KCNQ5: variants seen among roughly 807,000 people sequenced by gnomAD.
KCNQ5 encodes the protein potassium voltage-gated channel subfamily Q member 5.
Under a neutral mutation model 98.2 loss-of-function variants are expected in KCNQ5, and 30 were observed. The observed-to-expected ratio is 0.31, with a 90% CI of 0.23 to 0.41. The LOEUF (loss-of-function observed/expected upper bound fraction) is 0.41. Among genes scored for constraint, KCNQ5 ranks in the 10% least tolerant of loss-of-function variants. The pLI is 1.00. For synonymous variants in KCNQ5, 458 were observed against 449.4 expected (o/e 1.02, Z -0.24); for missense variants, 835 against 1,182.5 (o/e 0.71, Z 4.31).
At chr6:72,898,740 G>A (rs1779356127) in intron 1 of KCNQ5, among the ~76,000 whole-genome samples, 1 of 152,152 alleles carries the variant, frequency 6.6e-6, no homozygotes, top group Non-Finnish European at 1.5e-5. Flanking sequence ...GATCCTTGAG[G>A]AATTGCCACA....
intron 1 of KCNQ5, among the ~76,000 whole-genome samples, chr6:72,788,974 A>G (rs1773893160): frequency 6.6e-6 from 1 of 152,184 alleles, no homozygotes; most frequent in Non-Finnish European, 1.5e-5. Flanking sequence ...CACATTAGAA[A>G]TCCCAGAGGA....
chr6:72,794,210 T>C (rs1342439027), intron 1 of KCNQ5, among the ~76,000 whole-genome samples: 1 of 152,198 alleles, frequency 6.6e-6, no homozygotes, highest in East Asian at 1.9e-4. Context: ...AAATGAACAT[T>C]GAAATGCTAC....
chr6:72,688,757 T>C (rs1019350368), intron 1 of KCNQ5, among the ~76,000 whole-genome samples: 1 of 152,180 alleles, frequency 6.6e-6, no homozygotes, highest in Admixed American at 6.5e-5. Context: ...CTATAGACAA[T>C]AATTATCCAC....
At chr6:73,163,738 ACT>A (rs1777698016) in intron 10 of KCNQ5, among the ~76,000 whole-genome samples, 2 of 152,222 alleles carry the variant, frequency 1.3e-5, no homozygotes, top group African/African-American at 2.4e-5. Flanking sequence ...AAAGAGCAAG[ACT>A]CTGTCTCAAA....
At chr6:73,001,990 G>A (rs1196924765) in intron 1 of KCNQ5, among the ~76,000 whole-genome samples, 1 of 72,776 alleles carries the variant, frequency 1.4e-5, no homozygotes, top group East Asian at 4.3e-4. Context: ...CAGGCCTGCT[G>A]GCCTGCGCCT....
At chr6:72,700,709 G>A (rs1327724369) in intron 1 of KCNQ5, among the ~76,000 whole-genome samples, 1 of 152,154 alleles carries the variant, frequency 6.6e-6, no homozygotes, top group Non-Finnish European at 1.5e-5. Flanking sequence ...GAGAGGGAAA[G>A]CAATGGTGGA....
At chr6:72,859,633 T>C (rs929478186) in intron 1 of KCNQ5, among the ~76,000 whole-genome samples, 2 of 152,046 alleles carry the variant, frequency 1.3e-5, no homozygotes, top group Non-Finnish European at 2.9e-5. Flanking sequence ...CAGGCTGAAG[T>C]GCAGTGGAGC....
At chr6:72,999,976 C>G (rs1022746623) in intron 1 of KCNQ5, among the ~76,000 whole-genome samples, 2 of 152,094 alleles carry the variant, frequency 1.3e-5, no homozygotes, top group Admixed American at 6.6e-5. Flanking sequence ...AATATCCCCC[C>G]TCTATGTTCA....
intron 1 of KCNQ5, among the ~76,000 whole-genome samples, chr6:72,623,538 C>T (rs2098916632): frequency 6.6e-6 from 1 of 152,092 alleles, no homozygotes; most frequent in South Asian, 2.1e-4. Flanking sequence ...AAGTTTACTA[C>T]TGTTTTTCCC....
intron 1 of KCNQ5, among the ~76,000 whole-genome samples, chr6:72,656,072 G>C (rs1375842406): frequency 6.6e-6 from 1 of 152,120 alleles, no homozygotes; most frequent in Admixed American, 6.6e-5. Flanking sequence ...ATTGGCACAG[G>C]TGATTCTCAG....
chr6:72,897,796 A>G (rs1195705670), intron 1 of KCNQ5, among the ~76,000 whole-genome samples: 1 of 152,156 alleles, frequency 6.6e-6, no homozygotes, highest in Non-Finnish European at 1.5e-5. Flanking sequence ...TTTGTTGGGG[A>G]TGGGGGCCAG....
chr6:72,972,955 G>A (rs1289690444), intron 1 of KCNQ5, among the ~76,000 whole-genome samples: 1 of 152,138 alleles, frequency 6.6e-6, no homozygotes, highest in African/African-American at 2.4e-5. Context: ...TTGTCCAACA[G>A]TTACAACCTA....
chr6:72,905,108 A>T (rs534523588), intron 1 of KCNQ5, among the ~76,000 whole-genome samples: 2 of 152,166 alleles, frequency 1.3e-5, no homozygotes, highest in Admixed American at 6.5e-5. Flanking sequence ...GATTGGGTTA[A>T]TTCAAACGCC....
intron 1 of KCNQ5, among the ~76,000 whole-genome samples, chr6:72,806,290 G>A (rs1774954570): frequency 6.6e-6 from 1 of 152,000 alleles, no homozygotes; most frequent in Non-Finnish European, 1.5e-5. Context: ...AAAGCCATTT[G>A]GCACAAGAAA....
intron 1 of KCNQ5, among the ~76,000 whole-genome samples, chr6:72,905,209 G>A (rs571519222): frequency 3.9e-4 from 59 of 152,106 alleles, no homozygotes; most frequent in African/African-American, 1.4e-3. Context: ...AAGTGCATCC[G>A]ATGCTTCCGG....
chr6:72,687,912 C>T (rs1473350753), intron 1 of KCNQ5, among the ~76,000 whole-genome samples: 1 of 149,140 alleles, frequency 6.7e-6, no homozygotes, highest in Non-Finnish European at 1.5e-5. Flanking sequence ...GATGTCGGCT[C>T]ATTGCAACCT....
chr6:72,734,878 G>A (rs1383088959), intron 1 of KCNQ5, among the ~76,000 whole-genome samples: 2 of 152,104 alleles, frequency 1.3e-5, no homozygotes, highest in Non-Finnish European at 2.9e-5. Flanking sequence ...AGACTAGATT[G>A]CTTGTTAACT....
intron 7 of KCNQ5, among the ~76,000 whole-genome samples, chr6:73,119,144 C>T (rs571028927): frequency 6.6e-6 from 1 of 152,280 alleles, no homozygotes; most frequent in Non-Finnish European, 1.5e-5. Context: ...GAGATGTTTG[C>T]AGACTCATTA....
At position 73,009,514 on chromosome 6, in the gene KCNQ5, C is replaced by CAGAA. The variant is rs549236202; in HGVS notation, c.489+5517_489+5520dup. 1.5e-4 allele frequency among the ~76,000 whole-genome samples: 22 copies of CAGAA among 151,676 alleles called. No homozygotes were observed. The East Asian group carries it at 3.7e-3, about 25-fold the overall frequency. Reference sequence around the variant, plus strand: ...AAGAATACAGTAGACCCAAGCTAGCCAGAACAAAGGAAACAGTAAACATGG... The same window carrying CAGAA: ...AAGAATACAGTAGACCCAAGCTAGCCAGAAAGAACAAAGGAAACAGTAAACATGG... On this transcript the variant is annotated intron_variant, in intron 2 of 13. Coordinates refer to ENST00000370398, the MANE Select transcript of KCNQ5 (RefSeq NM_019842.4).
Sources: allele counts gnomAD v4.1 joint callset (sites outside exome capture counted in the v4.1 genomes callset), GRCh38; gene constraint gnomAD v4.1.1; transcripts MANE v1.5; gene names NCBI Gene and HGNC (gene_info 2026-07-23, HGNC 2026-07-21).